DRC12: variants seen among roughly 807,000 people sequenced by gnomAD.
DRC12 encodes the protein dynein regulatory complex subunit 12 homolog.
At chr11:119,195,404 C>T in the DRC12 span, 31 of 1,549,238 alleles carry the variant, frequency 2.0e-5, no homozygotes, top group Non-Finnish European at 2.5e-5. Flanking sequence ...CAGGGGGCAC[C>T]TCCACCCACC....
chr11:119,195,178 T>C, the DRC12 span: 3 of 629,062 alleles, frequency 4.8e-6, no homozygotes, highest in South Asian at 5.8e-5. Context: ...ACATAACAGA[T>C]ATGCAAAATA....
the DRC12 span, among the ~76,000 whole-genome samples, chr11:119,191,544 C>A: frequency 3.5e-3 from 537 of 151,900 alleles, 3 homozygotes; most frequent in Non-Finnish European, 5.4e-3. Context: ...CGGTGGCTCA[C>A]GCCTGTAATC....
the DRC12 span, among the ~76,000 whole-genome samples, chr11:119,194,242 C>T: frequency 4.0e-5 from 6 of 151,806 alleles, no homozygotes; most frequent in East Asian, 1.9e-4. Context: ...GGGCCAGGCG[C>T]GGTGGCTCAC....
chr11:119,193,004 A>T, the DRC12 span: 1 of 697,930 alleles, frequency 1.4e-6, no homozygotes, highest in Non-Finnish European at 2.5e-6. Context: ...TGCAGTCCTC[A>T]GTGGTGGAGG....
chr11:119,190,637 T>C, the DRC12 span: 2 of 1,576,136 alleles, frequency 1.3e-6, no homozygotes, highest in East Asian at 2.2e-5. The surrounding 1 kb of genome is among the most constrained non-coding windows in gnomAD (Gnocchi z 4.2). Flanking sequence ...TCAGTCATCA[T>C]ACGAGCTGGG....
At chr11:119,194,934 C>T in the DRC12 span, 15 of 1,551,382 alleles carry the variant, frequency 9.7e-6, no homozygotes, top group Middle Eastern at 1.7e-4. Context: ...CAAGTGGTCT[C>T]GGAGCAGCTC....
chr11:119,193,053 G>C, the DRC12 span: 45 of 1,051,046 alleles, frequency 4.3e-5, no homozygotes, highest in Non-Finnish European at 2.2e-5. Flanking sequence ...GAGCCCAGAC[G>C]GCAGCTTTCT....
At chr11:119,193,505 T>A in the DRC12 span, 25 of 1,267,164 alleles carry the variant, frequency 2.0e-5, no homozygotes, top group Middle Eastern at 2.6e-4. Flanking sequence ...ATTGAGATGA[T>A]GGCTATGACT....
the DRC12 span, chr11:119,193,166 G>C: frequency 6.2e-7 from 1 of 1,614,136 alleles, no homozygotes; most frequent in Non-Finnish European, 8.5e-7. Flanking sequence ...TGCCCCCGAA[G>C]GCCTTTGACT....
chr11:119,193,797 C>G, the DRC12 span: 28 of 1,551,690 alleles, frequency 1.8e-5, no homozygotes, highest in Middle Eastern at 5.0e-4. Context: ...CACTTCGGGC[C>G]CCTTCCAGCT....
the DRC12 span, among the ~76,000 whole-genome samples, chr11:119,192,630 CCTA>C: frequency 6.6e-6 from 1 of 151,772 alleles, no homozygotes; most frequent in African/African-American, 2.4e-5. Flanking sequence ...GGGTGTGAGG[CCTA>C]CATCTTCTTT....
At chr11:119,194,542 A>AAAATAAATAAAT in the DRC12 span, among the ~76,000 whole-genome samples, 92 of 48,214 alleles carry the variant, frequency 1.9e-3, no homozygotes, top group African/African-American at 4.2e-3. Flanking sequence ...AAAAAAAAAA[A>AAAATAAATAAAT]AAATAAATAA....
At chr11:119,194,542 A>AG in the DRC12 span, among the ~76,000 whole-genome samples, 46 of 48,200 alleles carry the variant, frequency 9.5e-4, no homozygotes, top group South Asian at 3.1e-3. Context: ...AAAAAAAAAA[A>AG]AAATAAATAA....
chr11:119,191,390 G>A, the DRC12 span, among the ~76,000 whole-genome samples: 2 of 151,318 alleles, frequency 1.3e-5, no homozygotes, highest in Non-Finnish European at 2.9e-5. Flanking sequence ...GAGCCACCGC[G>A]GCTGGCTGGT....
chr11:119,195,307 G>A, the DRC12 span: 1 of 928,116 alleles, frequency 1.1e-6, no homozygotes, highest in South Asian at 1.6e-5. Context: ...GAAAGAGGTA[G>A]GTCAAGAGAG....
At chr11:119,193,700 C>A in the DRC12 span, 1 of 1,538,340 alleles carries the variant, frequency 6.5e-7, no homozygotes, top group Non-Finnish European at 8.8e-7. Flanking sequence ...CTTGCATCAA[C>A]TGACCCTGTT....
chr11:119,192,506 A>C, the DRC12 span, among the ~76,000 whole-genome samples: 2 of 152,212 alleles, frequency 1.3e-5, no homozygotes, highest in South Asian at 4.1e-4. Context: ...AATAAGTCAA[A>C]CATTTCCCCT....
the DRC12 span, chr11:119,193,849 G>A: frequency 1.3e-6 from 2 of 1,551,552 alleles, no homozygotes; most frequent in South Asian, 1.2e-5. Context: ...CTGGTCTTCG[G>A]AAGCCTTGGC....
At chr11:119,193,123 A>T in the DRC12 span, 9 of 1,589,442 alleles carry the variant, frequency 5.7e-6, no homozygotes, top group South Asian at 8.8e-5. Flanking sequence ...TCTTGGAGAG[A>T]AGGGGCTTGG....
Sources: allele counts gnomAD v4.1 joint callset (sites outside exome capture counted in the v4.1 genomes callset), GRCh38; gene constraint gnomAD v4.1.1; non-coding constraint Gnocchi (gnomAD v3.1); transcripts MANE v1.5; gene names NCBI Gene and HGNC (gene_info 2026-07-23, HGNC 2026-07-21).